The following NUP155 variants were observed in gnomAD, a reference collection of about 807,000 sequenced individuals.
The protein encoded by NUP155 is nucleoporin 155, also known as nuclear pore complex protein Nup155.
Under a neutral mutation model 180.4 loss-of-function variants are expected in NUP155, and 71 were observed. The ratio of observed to expected loss-of-function variants is 0.39; its 90% CI spans 0.33 to 0.48. The LOEUF (loss-of-function observed/expected upper bound fraction) is 0.48. NUP155 is among the 20% of genes least tolerant of loss of function. The pLI, the probability that NUP155 is intolerant of heterozygous loss-of-function variation, is 0.91. For synonymous variants in NUP155, 582 were observed against 559.5 expected (o/e 1.04, Z -0.57); for missense variants, 1,553 against 1,648.9 (o/e 0.94, Z 1.01).
At position 37,301,426 on chromosome 5, in the gene NUP155, T is replaced by C. The variant is rs779124349; in HGVS notation, c.3561+11A>G. 5.7e-6 allele frequency: 9 copies of C among 1,578,326 alleles called. No individual in the cohort carries two copies. In the South Asian group the frequency reaches 1.0e-4, roughly 17 times the overall value. ...TAACTACTATAAAAATTTCACTTGC[T>C]TTTTTATTACCTTAGTTATGTCCAT... On this transcript the variant is annotated intron_variant, in intron 30 of 34. Coordinates refer to ENST00000231498, the MANE Select transcript of NUP155 (RefSeq NM_153485.3).
intron 31 of NUP155, among the ~76,000 whole-genome samples, chr5:37,299,209 C>A (rs1399764857): frequency 2.0e-5 from 3 of 152,124 alleles, no homozygotes; most frequent in Non-Finnish European, 4.4e-5. Flanking sequence ...TATAAGGCAG[C>A]ACAAATAATA....
intron 23 of NUP155, among the ~76,000 whole-genome samples, chr5:37,309,788 C>T (rs112016357): frequency 0.021 from 3,247 of 152,176 alleles, 56 homozygotes; most frequent in Non-Finnish European, 0.035. Flanking sequence ...GGCGCAGAGG[C>T]TCATGTCTAT....
intron 5 of NUP155, 108 bp from the exon 6 acceptor site, chr5:37,351,464 T>TC: frequency 1.2e-6 from 1 of 805,238 alleles, no homozygotes; most frequent in South Asian, 1.6e-5. Context: ...TTTTTTTTTT[T>TC]CTTGAGACAG....
chr5:37,335,157 CAAA>C (rs369127748), intron 12 of NUP155, among the ~76,000 whole-genome samples: 7 of 62,178 alleles, frequency 1.1e-4, no homozygotes, highest in Admixed American at 4.2e-4. Flanking sequence ...GACTCTGTCA[CAAA>C]AAAAAAAAAA....
At chr5:37,325,992 T>C (rs1744578593) in intron 18 of NUP155, 25 bp from the exon 19 acceptor site, 1 of 1,481,790 alleles carries the variant, frequency 6.7e-7, no homozygotes. Context: ...GTTTTAATGA[T>C]TGTGCTGTAA....
At chr5:37,292,669 C>A (rs922016026) in intron 34 of NUP155, among the ~76,000 whole-genome samples, 4 of 152,024 alleles carry the variant, frequency 2.6e-5, no homozygotes, top group Non-Finnish European at 5.9e-5. Flanking sequence ...GAAATGAATA[C>A]ATTATGTATG....
chr5:37,355,948 G>A lies in NUP155; in HGVS notation c.463+2133C>T, dbSNP rs536136979. 5.9e-5 allele frequency among the ~76,000 whole-genome samples: 9 copies of A among 152,028 alleles called. No homozygotes were observed. The South Asian group carries it at 1.9e-3, about 32-fold the overall frequency. On this transcript the variant is annotated intron_variant, in intron 4 of 34. Coordinates refer to ENST00000231498, the MANE Select transcript of NUP155 (RefSeq NM_153485.3). Reference sequence around the variant, plus strand: ...ACTCTGATAAGAGATTTGGCATTATGCTGGGCATGGTGGCTCACGTCTGTA... The same window carrying A: ...ACTCTGATAAGAGATTTGGCATTATACTGGGCATGGTGGCTCACGTCTGTA...
intron 18 of NUP155, 80 bp downstream of exon 18, chr5:37,327,549 C>T (rs1744681658): frequency 7.9e-6 from 12 of 1,513,646 alleles, no homozygotes; most frequent in Non-Finnish European, 1.1e-5. Context: ...AAATGATGTC[C>T]CAAATTCAGA....
chr5:37,304,574 T>G (rs1231039272), intron 27 of NUP155, among the ~76,000 whole-genome samples, 165 bp downstream of exon 27: 1 of 152,208 alleles, frequency 6.6e-6, no homozygotes, highest in African/African-American at 2.4e-5. Context: ...AGCAGTAGCC[T>G]ACTTTGCCCC....
intron 33 of NUP155, among the ~76,000 whole-genome samples, chr5:37,293,987 C>T (rs1188803733): frequency 2.3e-5 from 1 of 44,060 alleles, no homozygotes; most frequent in Admixed American, 3.4e-4. Context: ...GCCTGGGCAA[C>T]AGAGCGAGAC....
intron 7 of NUP155, 51 bp from the exon 8 acceptor site, chr5:37,349,296 A>T: frequency 3.2e-6 from 2 of 619,752 alleles, no homozygotes; most frequent in Non-Finnish European, 5.5e-6. Context: ...CCAAGGATTA[A>T]CAAAGCAAAT....
rs1225589208 is a variant in NUP155 at position 37,370,853 on chromosome 5, T to C, written c.125A>G (p.Asp42Gly). The C allele has an allele frequency of 1.9e-6, 3 of 1,614,038 alleles. No homozygotes were observed. The highest frequency in any genetic ancestry group is 2.5e-6 in the Non-Finnish European group (3 of 1,180,014). ...RQLQEDRMYP[D>G]LSELLMVSAP... ...AGACACCATAAGCAGCTCGGAAAGG[T>C]CCGGGTACATGCGGTCCTCTTGCAA... Residue 42 changes from aspartate to glycine, a missense_variant, in exon 1 of 35, where the codon GAC becomes GGC. Transcript: ENST00000231498.
chr5:37,328,460 C>T (rs920894781), intron 16 of NUP155, 40 bp from the exon 17 acceptor site: 1 of 1,383,516 alleles, frequency 7.2e-7, no homozygotes, highest in Non-Finnish European at 1.0e-6. Context: ...TAGAAAAGAA[C>T]ATCTCAATCT....
chr5:37,302,796 A>G lies in NUP155; in HGVS notation c.3430T>C (p.Leu1144=), dbSNP rs765147284. ...GCACTTACCTCCATTTTTTCTTCTA[A>G]TTCATGAAGAAATTCACCATCGGCA... is the stretch of plus-strand genomic sequence containing the variant. ...IAADGEFLHE[L]EEKMEVARIQ... Residue 1144 remains leucine (L), a synonymous_variant, in exon 29 of 35, where the codon TTA becomes CTA. Coordinates refer to ENST00000231498, the MANE Select transcript of NUP155 (RefSeq NM_153485.3). 9 of 1,613,958 alleles carry G rather than the reference A, an allele frequency of 5.6e-6. No individual in the cohort carries two copies. The Admixed American group carries it at 1.2e-4, about 21-fold the overall frequency.
Position 37,304,756 on chromosome 5 carries a change from C to A in NUP155, c.3145G>T (p.Ala1049Ser), listed in dbSNP as rs749927379. The A allele has an allele frequency of 2.5e-6, 4 of 1,611,232 alleles. No individual in the cohort carries two copies. The highest frequency in any genetic ancestry group is 1.7e-5 in the Admixed American group (1 of 59,968). ...AGATTTACCTGTAGCAGCTTATCTG[C>A]AAGGTCGACTTGTATTAGCCAATTA... ...LYNWLIQVDL[A>S]DKLLQVASPF... is the part of the protein sequence containing the mutation. Residue 1049 changes from alanine (A) to serine (S), a missense_variant, in exon 27 of 35, where the codon GCA becomes TCA. By Grantham distance (99) the Ala-to-Ser change is moderately conservative. Transcript: ENST00000231498.
At position 37,289,607 on chromosome 5, in the gene NUP155, A is replaced by T. The variant is rs1205903306; in HGVS notation, c.*2293T>A. 1 of 152,236 alleles carries T rather than the reference A, an allele frequency of 6.6e-6. No individual in the cohort carries two copies. The highest frequency in any genetic ancestry group is 1.9e-4 in the East Asian group (1 of 5,206). The allele number at this position is 152,236 out of a possible 1,614,324, so 9.4% of individuals were successfully genotyped here. A position where few individuals can be genotyped will look rare whatever the true frequency, so the allele number is the denominator to read the frequency against. Reference sequence around the variant, plus strand: ...GGGGCTGGAATTCCTAAAACCTCTCAAAGCATGCTGTGTGAATAAAAGGAC... The same window carrying T: ...GGGGCTGGAATTCCTAAAACCTCTCTAAGCATGCTGTGTGAATAAAAGGAC... On this transcript the variant is annotated 3_prime_UTR_variant, in exon 35 of 35. Coordinates refer to ENST00000231498, the MANE Select transcript of NUP155 (RefSeq NM_153485.3).
In NUP155 at chr5:37,290,482, A is replaced by T. The variant is rs1209963009; in HGVS notation, c.*1418T>A. 6.6e-6 allele frequency: 1 copy of T among 151,878 alleles called. No individual in the cohort carries two copies. Among genetic ancestry groups the T allele is most frequent in the Non-Finnish European group, 1.5e-5 (1 of 67,928 alleles). The allele number at this position is 151,878 out of a possible 1,614,324, so 9.4% of individuals were successfully genotyped here. ...TACAGGGTGAGATTCTGTCTCCAAAAAAAAAAAAAAGAGAGAAAGGAATAG... is the reference window on the plus strand; with the variant it reads ...TACAGGGTGAGATTCTGTCTCCAAATAAAAAAAAAAGAGAGAAAGGAATAG... On this transcript the variant is annotated 3_prime_UTR_variant, in exon 35 of 35. Transcript: ENST00000231498.
intron 3 of NUP155, among the ~76,000 whole-genome samples, chr5:37,362,178 A>G (rs976275392): frequency 2.6e-5 from 4 of 152,188 alleles, no homozygotes; most frequent in Non-Finnish European, 5.9e-5. Flanking sequence ...AACTACATTC[A>G]TCTCATTCAG....
At chr5:37,329,998 TA>T (rs1225136945) in intron 15 of NUP155, 39 bp downstream of exon 15, 3 of 1,424,908 alleles carry the variant, frequency 2.1e-6, no homozygotes, top group Non-Finnish European at 3.0e-6. Context: ...AGTGGCCCAG[TA>T]AAAAAACAAA....
Sources: gnomAD v4.1 joint callset for allele counts (sites outside exome capture counted in the v4.1 genomes callset) on GRCh38, gnomAD v4.1.1 for gene constraint, MANE v1.5 for transcripts, NCBI Gene and HGNC (gene_info 2026-07-23, HGNC 2026-07-21) for gene names.